Variants in RBFOX1 observed in about 807,000 individuals in gnomAD.
RBFOX1 encodes RNA binding protein fox-1 homolog 1.
Under a neutral mutation model 57.7 loss-of-function variants are expected in RBFOX1, and 8 were observed. The ratio of observed to expected loss-of-function variants is 0.14; its 90% CI spans 0.08 to 0.25. RBFOX1 has a LOEUF of 0.25. Ranked by LOEUF, RBFOX1 falls within the 10% of genes least tolerant of loss-of-function variation. The pLI is 1.00. For missense variants in RBFOX1, 611 were observed against 548.5 expected, an observed-to-expected ratio of 1.11 and a Z score of -1.14; for synonymous variants, 326 against 222.4, an observed-to-expected ratio of 1.47 and a Z score of -4.15.
At chr16:5,393,823 C>G (rs950294872) in intron 1 of RBFOX1, among the ~76,000 whole-genome samples, 1 of 152,180 alleles carries the variant, frequency 6.6e-6, no homozygotes, top group South Asian at 2.1e-4. Flanking sequence ...ATCTCCAGAA[C>G]TTTTTCATCT....
At chr16:6,521,267 G>A (rs956367388) in intron 2 of RBFOX1, among the ~76,000 whole-genome samples, 1 of 152,044 alleles carries the variant, frequency 6.6e-6, no homozygotes, top group Non-Finnish European at 1.5e-5. Flanking sequence ...TCAAGGAAAA[G>A]GTGCATGCAC....
chr16:6,725,735 C>G (rs2067033980), intron 3 of RBFOX1, among the ~76,000 whole-genome samples: 1 of 152,092 alleles, frequency 6.6e-6, no homozygotes, highest in Non-Finnish European at 1.5e-5. Context: ...AGATTTCCAT[C>G]TGTTTTCTTT....
chr16:5,408,566 C>G (rs1169156344), intron 1 of RBFOX1, among the ~76,000 whole-genome samples: 1 of 152,184 alleles, frequency 6.6e-6, no homozygotes, highest in Non-Finnish European at 1.5e-5. Flanking sequence ...AGCGACAGTG[C>G]TTCCTGCTTC....
intron 4 of RBFOX1, among the ~76,000 whole-genome samples, chr16:7,196,420 A>C (rs1378551897): frequency 2.0e-5 from 3 of 152,154 alleles, no homozygotes; most frequent in East Asian, 1.9e-4. Flanking sequence ...CAAAATCAAG[A>C]AACATCTTTC....
chr16:6,281,428 C>T (rs1329563637), intron 1 of RBFOX1, among the ~76,000 whole-genome samples: 3 of 152,104 alleles, frequency 2.0e-5, no homozygotes, highest in African/African-American at 4.8e-5. Flanking sequence ...TGTAATACCA[C>T]GTTTTGCTGG....
chr16:6,380,263 A>G (rs2091655703), intron 2 of RBFOX1, among the ~76,000 whole-genome samples: 1 of 152,092 alleles, frequency 6.6e-6, no homozygotes, highest in Non-Finnish European at 1.5e-5. Context: ...ACTAGTGAAG[A>G]AAACAATCCA....
chr16:5,634,986 A>G (rs752390953), intron 3 of RBFOX1, among the ~76,000 whole-genome samples: 1 of 152,168 alleles, frequency 6.6e-6, no homozygotes. Context: ...GAGAGTCACC[A>G]TGATTGGTCA....
At chr16:7,456,278 T>C (rs918021575) in intron 4 of RBFOX1, among the ~76,000 whole-genome samples, 3 of 152,196 alleles carry the variant, frequency 2.0e-5, no homozygotes, top group Non-Finnish European at 2.9e-5. Flanking sequence ...CCCCCCCTTA[T>C]ACAAATACAG....
chr16:5,482,387 A>C (rs996963468), intron 2 of RBFOX1, among the ~76,000 whole-genome samples: 1 of 152,068 alleles, frequency 6.6e-6, no homozygotes, highest in Admixed American at 6.5e-5. Context: ...ATGTTTGGCT[A>C]TTTCTCCTGC....
chr16:7,346,202 G>A (rs1004608163), intron 4 of RBFOX1, among the ~76,000 whole-genome samples: 14 of 152,008 alleles, frequency 9.2e-5, no homozygotes, highest in South Asian at 4.1e-4. Flanking sequence ...GTATATGTGC[G>A]ACATTTTCTT....
At chr16:7,069,248 A>T (rs1259147423) in intron 4 of RBFOX1, among the ~76,000 whole-genome samples, 1 of 152,202 alleles carries the variant, frequency 6.6e-6, no homozygotes, top group Non-Finnish European at 1.5e-5. Context: ...CAGGTTTGTT[A>T]CATAGGTAAA....
intron 2 of RBFOX1, among the ~76,000 whole-genome samples, chr16:5,568,506 A>G (rs1388668099): frequency 6.6e-6 from 1 of 152,138 alleles, no homozygotes; most frequent in Non-Finnish European, 1.5e-5. Flanking sequence ...AGCAGAGAGC[A>G]GCGTAAAGGT....
intron 2 of RBFOX1, among the ~76,000 whole-genome samples, chr16:6,648,618 C>T (rs778302759): frequency 2.0e-5 from 3 of 152,134 alleles, no homozygotes; most frequent in Non-Finnish European, 4.4e-5. Context: ...TGGTAGCATG[C>T]ATCGACGGGC....
intron 4 of RBFOX1, among the ~76,000 whole-genome samples, chr16:5,885,909 C>A (rs1020536774): frequency 6.6e-6 from 1 of 152,080 alleles, no homozygotes; most frequent in Admixed American, 6.6e-5. Context: ...GAATTGTAAT[C>A]CTCGATGCTG....
chr16:5,271,012 A>C, intron 1 of RBFOX1: 1 of 286,804 alleles, frequency 3.5e-6, no homozygotes, highest in Non-Finnish European at 6.5e-6. Context: ...ACAAACAATA[A>C]ACAACAATGA....
At chr16:7,002,122 T>C (rs1391539141) in intron 3 of RBFOX1, among the ~76,000 whole-genome samples, 1 of 151,992 alleles carries the variant, frequency 6.6e-6, no homozygotes, top group African/African-American at 2.4e-5. Context: ...CATGGGGTTG[T>C]TGATCTTGTT....
chr16:6,842,332 A>G (rs1603631204), intron 3 of RBFOX1, among the ~76,000 whole-genome samples: 2 of 152,250 alleles, frequency 1.3e-5, no homozygotes, highest in South Asian at 4.1e-4. Flanking sequence ...AACAACACAT[A>G]CACATCTTTG....
intron 3 of RBFOX1, among the ~76,000 whole-genome samples, chr16:6,821,586 C>A (rs62017673): frequency 6.6e-6 from 1 of 152,126 alleles, no homozygotes; most frequent in African/African-American, 2.4e-5. Flanking sequence ...AACCACTGGT[C>A]GGTCTGTCAC....
At chr16:6,387,133 C>T (rs1211289715) in intron 2 of RBFOX1, among the ~76,000 whole-genome samples, 1 of 152,122 alleles carries the variant, frequency 6.6e-6, no homozygotes, top group Non-Finnish European at 1.5e-5. Context: ...AAATCCATGC[C>T]TTTTAGGGTT....
Sources: gnomAD v4.1 joint callset for allele counts (sites outside exome capture counted in the v4.1 genomes callset) on GRCh38, gnomAD v4.1.1 for gene constraint, MANE v1.5 for transcripts, NCBI Gene and HGNC (gene_info 2026-07-23, HGNC 2026-07-21) for gene names.